Variants in GRIK2 observed in about 807,000 individuals in gnomAD.
GRIK2 encodes the protein glutamate receptor ionotropic, kainate 2.
Under a neutral mutation model 100.3 loss-of-function variants are expected in GRIK2, and 32 were observed. The ratio of observed to expected loss-of-function variants is 0.32; its 90% CI spans 0.24 to 0.43. The LOEUF (loss-of-function observed/expected upper bound fraction) is 0.43. Ranked by LOEUF, GRIK2 falls within the 20% of genes least tolerant of loss-of-function variation. The pLI is 1.00. For missense variants in GRIK2, 843 were observed against 1,114.9 expected (o/e 0.76, Z 3.47); for synonymous variants, 417 against 389.4 (o/e 1.07, Z -0.83).
chr6:101,565,915 TTATATATATATATATATGTGTATA>T (rs1162341612), intron 2 of GRIK2, among the ~76,000 whole-genome samples: 33 of 123,312 alleles, frequency 2.7e-4, no homozygotes, highest in African/African-American at 1.1e-3. Context: ...TATACCTATT[TTATATATATATATATATGTGTATA>T]TATATATATA....
At chr6:101,861,951 TG>T (rs1445961790) in intron 11 of GRIK2, among the ~76,000 whole-genome samples, 1 of 152,098 alleles carries the variant, frequency 6.6e-6, no homozygotes, top group Non-Finnish European at 1.5e-5. Context: ...ACAACGAGAA[TG>T]GGGGCTTGGA....
chr6:101,864,964 CTTT>C (rs1784959796), intron 11 of GRIK2, among the ~76,000 whole-genome samples: 1 of 152,154 alleles, frequency 6.6e-6, no homozygotes, highest in Non-Finnish European at 1.5e-5. Context: ...TTTACAACTT[CTTT>C]GTCTTTAAAG....
At chr6:101,623,968 AAT>A (rs1274697985) in intron 3 of GRIK2, among the ~76,000 whole-genome samples, 17 of 152,232 alleles carry the variant, frequency 1.1e-4, no homozygotes, top group African/African-American at 3.6e-4. Flanking sequence ...TAATATTGTT[AAT>A]GATTAATTAT....
intron 12 of GRIK2, among the ~76,000 whole-genome samples, chr6:101,893,733 T>G (rs1787255631): frequency 6.6e-6 from 1 of 151,722 alleles, no homozygotes; most frequent in East Asian, 1.9e-4. Context: ...TATTTCTCAT[T>G]TATTCATTTA....
At chr6:101,402,275 C>T (rs1417688197) in intron 2 of GRIK2, among the ~76,000 whole-genome samples, 1 of 152,182 alleles carries the variant, frequency 6.6e-6, no homozygotes, top group Non-Finnish European at 1.5e-5. Context: ...CACACACACT[C>T]AAACATAGAC....
intron 2 of GRIK2, among the ~76,000 whole-genome samples, chr6:101,606,456 G>A (rs183666953): frequency 2.8e-4 from 42 of 151,980 alleles, no homozygotes; most frequent in Admixed American, 4.6e-4. Context: ...TGTGCTGGGC[G>A]CTGGAGTTAG....
intron 2 of GRIK2, among the ~76,000 whole-genome samples, chr6:101,599,345 T>C (rs759317806): frequency 6.6e-6 from 1 of 151,820 alleles, no homozygotes; most frequent in Non-Finnish European, 1.5e-5. Flanking sequence ...TGATTCCCTG[T>C]CTTTGCTGTT....
chr6:101,924,832 TA>T, intron 13 of GRIK2, 113 bp downstream of exon 13: 1 of 676,432 alleles, frequency 1.5e-6, no homozygotes, highest in Admixed American at 2.3e-5. Context: ...CATGTAACCA[TA>T]ATCCAGCTTT....
At chr6:101,552,574 G>A (rs1776560078) in intron 2 of GRIK2, among the ~76,000 whole-genome samples, 2 of 152,222 alleles carry the variant, frequency 1.3e-5, no homozygotes, top group South Asian at 2.1e-4. Context: ...TCAATATTTG[G>A]CCTTGCTCCT....
intron 7 of GRIK2, among the ~76,000 whole-genome samples, chr6:101,754,613 C>T (rs549943954): frequency 7.5e-4 from 115 of 152,328 alleles, no homozygotes; most frequent in African/African-American, 2.7e-3. Context: ...AATAGACACA[C>T]ATGCAATTAC....
At chr6:101,612,761 T>A (rs1779738211) in intron 2 of GRIK2, among the ~76,000 whole-genome samples, 1 of 150,192 alleles carries the variant, frequency 6.7e-6, no homozygotes, top group Non-Finnish European at 1.5e-5. Flanking sequence ...TGTAGGTACA[T>A]AGGTCAGTAA....
intron 11 of GRIK2, among the ~76,000 whole-genome samples, 193 bp from the exon 12 acceptor site, chr6:101,889,447 G>A (rs555378439): frequency 2.0e-5 from 3 of 151,690 alleles, no homozygotes; most frequent in African/African-American, 4.8e-5. Context: ...GAAATGATTA[G>A]TGCAATAAAT....
At chr6:101,827,061 A>G (rs903370169) in intron 10 of GRIK2, among the ~76,000 whole-genome samples, 1 of 149,140 alleles carries the variant, frequency 6.7e-6, no homozygotes, top group South Asian at 2.1e-4. Context: ...TAGATTTTCT[A>G]TAGTTACAGG....
At chr6:101,952,279 T>A (rs1056852888) in intron 14 of GRIK2, among the ~76,000 whole-genome samples, 1 of 152,210 alleles carries the variant, frequency 6.6e-6, no homozygotes, top group Non-Finnish European at 1.5e-5. Flanking sequence ...TACTGCTGAG[T>A]AACCTTCAAT....
intron 2 of GRIK2, among the ~76,000 whole-genome samples, chr6:101,433,700 C>T (rs1003567585): frequency 7.2e-5 from 11 of 151,890 alleles, no homozygotes; most frequent in African/African-American, 2.7e-4. Flanking sequence ...AGATATATTG[C>T]TTTGCATTTA....
intron 2 of GRIK2, among the ~76,000 whole-genome samples, chr6:101,496,004 G>A (rs1773422691): frequency 6.6e-6 from 1 of 152,088 alleles, no homozygotes; most frequent in South Asian, 2.1e-4. Flanking sequence ...GGAGTGCAGT[G>A]GCGCTATGTT....
chr6:101,473,206 T>C (rs1772048178), intron 2 of GRIK2, among the ~76,000 whole-genome samples: 1 of 140,552 alleles, frequency 7.1e-6, no homozygotes, highest in African/African-American at 2.5e-5. Flanking sequence ...CCTTCCTTCC[T>C]TGTTTATTTT....
chr6:101,764,540 C>T (rs2128393919), intron 7 of GRIK2, among the ~76,000 whole-genome samples: 1 of 152,118 alleles, frequency 6.6e-6, no homozygotes, highest in Non-Finnish European at 1.5e-5. Flanking sequence ...TTTCTAATAG[C>T]ATTTATCTGC....
intron 7 of GRIK2, among the ~76,000 whole-genome samples, chr6:101,718,943 T>C (rs755404269): frequency 1.3e-5 from 2 of 151,946 alleles, no homozygotes; most frequent in Non-Finnish European, 2.9e-5. Flanking sequence ...TGGAGAAAAG[T>C]TTCTGCAATT....
Sources: allele counts gnomAD v4.1 joint callset (sites outside exome capture counted in the v4.1 genomes callset), GRCh38; gene constraint gnomAD v4.1.1; transcripts MANE v1.5; gene names NCBI Gene and HGNC (gene_info 2026-07-23, HGNC 2026-07-21).